The following SHC2 variants were observed in gnomAD, a reference collection of about 807,000 sequenced individuals.
The protein encoded by SHC2 is SHC adaptor protein 2.
A neutral mutation model predicts 60.6 loss-of-function variants in SHC2; 62 were observed. The ratio of observed to expected loss-of-function variants is 1.02; its 90% CI spans 0.83 to 1.26. The LOEUF is 1.26. Ranked by LOEUF, SHC2 falls within the 50% of genes most tolerant of loss-of-function variation. The pLI, the probability that SHC2 is intolerant of heterozygous loss-of-function variation, is 0.00. For missense variants in SHC2, 873 were observed against 822.2 expected, an observed-to-expected ratio of 1.06 and a Z score of -0.76; for synonymous variants, 375 against 372.4, an observed-to-expected ratio of 1.01 and a Z score of -0.08.
At chr19:449,066 G>A (rs1237162535) in intron 1 of SHC2, among the ~76,000 whole-genome samples, 1 of 152,208 alleles carries the variant, frequency 6.6e-6, no homozygotes, top group African/African-American at 2.4e-5. Context: ...TACTCGGGAG[G>A]CTGAGGCAGG....
At chr19:434,462 AAGTG>A (rs1974663135) in intron 8 of SHC2, among the ~76,000 whole-genome samples, 1 of 1,348 alleles carries the variant, frequency 7.4e-4, no homozygotes, top group Admixed American at 7.8e-3. Context: ...GATAGTGAGC[AAGTG>A]AGTGAGATCG....
In SHC2 at chr19:416,822, G is replaced by A. The variant is rs1341537468; in HGVS notation, c.*506C>T. 1 of 152,276 alleles carries A rather than the reference G, an allele frequency of 6.6e-6. No homozygotes were observed. Among genetic ancestry groups the A allele is most frequent in the Non-Finnish European group, 1.5e-5 (1 of 68,116 alleles). 9.4% of individuals were successfully genotyped at this position (152,276 alleles called of 1,614,324 possible). ...TGACCTCAAGGCTGCCTGCACTTCA[G>A]CGCCAGCATGTATCCTGGCCTGAGA... On this transcript the variant is annotated 3_prime_UTR_variant, in exon 13 of 13. Transcript: ENST00000264554.
intron 1 of SHC2, among the ~76,000 whole-genome samples, chr19:460,015 A>G (rs1290463533): frequency 2.0e-5 from 3 of 152,200 alleles, no homozygotes; most frequent in African/African-American, 7.2e-5. Context: ...TTCATTTATC[A>G]TAAGACCCAA....
At chr19:429,404 T>A (rs62102120) in intron 9 of SHC2, among the ~76,000 whole-genome samples, 1 of 141,628 alleles carries the variant, frequency 7.1e-6, no homozygotes, top group African/African-American at 2.6e-5. Flanking sequence ...ATATCCAACA[T>A]GCAGAGAAAC....
intron 9 of SHC2, among the ~76,000 whole-genome samples, chr19:428,119 G>T (rs979855147): frequency 1.3e-5 from 2 of 152,194 alleles, no homozygotes; most frequent in Non-Finnish European, 2.9e-5. Context: ...CAGCTACTCT[G>T]GAGTGTTAGG....
Position 460,603 on chromosome 19 carries a change from T to A in SHC2, c.394A>T (p.Ile132Phe). 7.2e-7 allele frequency: 1 copy of A among 1,392,996 alleles called. No individual in the cohort carries two copies. The highest frequency in any genetic ancestry group is 1.5e-5 in the South Asian group (1 of 66,456). The allele number at this position is 1,392,996 out of a possible 1,614,324, so 86.3% of individuals were successfully genotyped here. A position where few individuals can be genotyped will look rare whatever the true frequency, so the allele number is the denominator to read the frequency against. ...AAEWIRKGSFIHKPAHGWLHP... is the reference protein window; with the variant it reads ...AAEWIRKGSFFHKPAHGWLHP... The stretch of plus-strand genomic sequence containing the variant: ...AGCCAGCCGTGCGCGGGTTTGTGGA[T>A]GAAGCTGCCCTTCCGGATCCACTCG... Residue 132 changes from isoleucine (I) to phenylalanine (F), a missense_variant, in exon 1 of 13, where the codon ATC becomes TTC. Ile to Phe is a conservative substitution (Grantham distance 21, BLOSUM62 0). Coordinates refer to ENST00000264554, the MANE Select transcript of SHC2 (RefSeq NM_012435.3).
At chr19:444,070 TGGGTGGATGGATGGA>T (rs1372063328) in intron 1 of SHC2, among the ~76,000 whole-genome samples, 2 of 139,118 alleles carry the variant, frequency 1.4e-5, no homozygotes, top group East Asian at 2.4e-4. Flanking sequence ...GGTGGGTGGA[TGGGTGGATGGATGGA>T]GGGTGGATGG....
intron 1 of SHC2, among the ~76,000 whole-genome samples, chr19:449,698 T>A (rs1426047466): frequency 1.3e-5 from 2 of 151,850 alleles, no homozygotes. Context: ...GAGGCGGAGG[T>A]TGCAATGAGC....
chr19:420,768 T>C (rs1974249314), intron 11 of SHC2, among the ~76,000 whole-genome samples: 1 of 152,184 alleles, frequency 6.6e-6, no homozygotes, highest in Admixed American at 6.5e-5. Context: ...CTGAAGCAGT[T>C]AGGCCGGGCG....
At chr19:460,213 G>A (rs1975505426) in intron 1 of SHC2, among the ~76,000 whole-genome samples, 1 of 152,158 alleles carries the variant, frequency 6.6e-6, no homozygotes, top group Non-Finnish European at 1.5e-5. Context: ...CGGTGGCAGA[G>A]ACGCCCCGGC....
chr19:422,477 T>C lies in SHC2; in HGVS notation c.1310-21A>G. 1 of 1,492,492 alleles carries C rather than the reference T, an allele frequency of 6.7e-7. No homozygotes were observed. Among genetic ancestry groups the C allele is most frequent in the Non-Finnish European group, 8.9e-7 (1 of 1,117,818 alleles). 92.5% of individuals were successfully genotyped at this position (1,492,492 alleles called of 1,614,324 possible). A position where few individuals can be genotyped will look rare whatever the true frequency, so the allele number is the denominator to read the frequency against. ...GGGTCCTGCAGGCCAGGGACAGGAG[T>C]GCTGGGCAGGCAGGGGGCAAGCAGC... On this transcript the variant is annotated intron_variant, in intron 10 of 12. Transcript: ENST00000264554. The surrounding 1 kb of genome is among the most constrained non-coding windows in gnomAD (Gnocchi z 5.0).
chr19:430,747 C>A lies in SHC2; in HGVS notation c.1111G>T (p.Gly371Cys). ...GCATCTCTTAGAGAAGGAGATGGGC[C>A]CTGGAAACAGAGCAGTGAGAGGTTC... ...QPCALTALDQ[G>C]PSPSLRDACS... Residue 371 changes from glycine (G) to cysteine (C), a missense_variant and splice_region_variant, in exon 9 of 13, where the codon GGC becomes TGC. By Grantham distance (159) the Gly-to-Cys change is radical. Transcript: ENST00000264554. 6.2e-7 allele frequency: 1 copy of A among 1,612,986 alleles called. No homozygotes were observed. Among genetic ancestry groups the A allele is most frequent in the Non-Finnish European group, 8.5e-7 (1 of 1,179,790 alleles).
chr19:419,268 G>A, intron 11 of SHC2: 1 of 539,774 alleles, frequency 1.9e-6, no homozygotes, highest in Non-Finnish European at 3.2e-6. Context: ...CAGGGTTCTG[G>A]GGCCACGCTT....
At position 434,814 on chromosome 19, in the gene SHC2, C is replaced by A. The variant is rs1410323318; in HGVS notation, c.1005G>T (p.Glu335Asp). ...SAWGDEEDSL[E>D]HNYYNSIPGK... ...CCGGGATGCTGTTGTAGTAATTGTG[C>A]TCCAAAGAGTCCTCCTCGTCCCCCC... is the stretch of plus-strand genomic sequence containing the variant. Residue 335 changes from glutamate (E) to aspartate (D), a missense_variant, in exon 8 of 13, where the codon GAG (glutamate) becomes GAT (aspartate). Transcript: ENST00000264554. 4.3e-6 allele frequency: 7 copies of A among 1,612,754 alleles called. No individual in the cohort carries two copies. The highest frequency in any genetic ancestry group is 5.9e-6 in the Non-Finnish European group (7 of 1,179,806).
At chr19:421,349 G>A (rs928734382) in intron 11 of SHC2, among the ~76,000 whole-genome samples, 1 of 148,344 alleles carries the variant, frequency 6.7e-6, no homozygotes, top group South Asian at 2.1e-4. Context: ...GCAGTGAGCC[G>A]AGATTGCGCC....
chr19:442,144 C>T (rs1568292082), intron 1 of SHC2, among the ~76,000 whole-genome samples: 2 of 152,138 alleles, frequency 1.3e-5, no homozygotes, highest in Admixed American at 6.5e-5. Flanking sequence ...GCAGCCTCAC[C>T]TCCTGTTGAA....
At chr19:459,405 A>T (rs1242735881) in intron 1 of SHC2, among the ~76,000 whole-genome samples, 24 of 137,032 alleles carry the variant, frequency 1.8e-4, no homozygotes, top group Admixed American at 2.9e-4. Context: ...GAAGGACCCC[A>T]CTGAACCCAG....
rs1285655376 is a variant in SHC2, at chr19:445,802, G to A, written c.469-4870C>T. On this transcript the variant is annotated intron_variant, in intron 1 of 12. Transcript: ENST00000264554. This position sits in a 1 kb window ranked among gnomAD's most constrained non-coding sequence, Gnocchi z 4.4. ...TAATCCCAGCACTTTGGGAGGCCGAGGTGAGTGGATCACTTGAGGTCAGGA... is the reference window on the plus strand; with the variant it reads ...TAATCCCAGCACTTTGGGAGGCCGAAGTGAGTGGATCACTTGAGGTCAGGA... 6.6e-6 allele frequency among the ~76,000 whole-genome samples: 1 copy of A among 152,280 alleles called. No homozygotes were observed. Among genetic ancestry groups the A allele is most frequent in the East Asian group, 1.9e-4 (1 of 5,188 alleles).
intron 9 of SHC2, among the ~76,000 whole-genome samples, chr19:427,660 G>A (rs1974455014): frequency 1.3e-5 from 1 of 78,280 alleles, no homozygotes; most frequent in Non-Finnish European, 2.4e-5. Flanking sequence ...ACAGCACACG[G>A]AAGGGGGCGG....
Sources: allele counts gnomAD v4.1 joint callset (sites outside exome capture counted in the v4.1 genomes callset), GRCh38; gene constraint gnomAD v4.1.1; non-coding constraint Gnocchi (gnomAD v3.1); transcripts MANE v1.5; gene names NCBI Gene and HGNC (gene_info 2026-07-23, HGNC 2026-07-21).